CDK14: variants seen among roughly 807,000 people sequenced by gnomAD.
CDK14 encodes cyclin-dependent kinase 14.
Under a neutral mutation model 60.7 loss-of-function variants are expected in CDK14, and 34 were observed. That is an observed-to-expected ratio of 0.56 (90% CI 0.43 to 0.75). CDK14 has a LOEUF of 0.75. CDK14 is among the 30% of genes least tolerant of loss of function. CDK14 has a pLI of 0.00. For missense variants in CDK14, 482 were observed against 564.1 expected (o/e 0.85, Z 1.47); for synonymous variants, 197 against 203.7 (o/e 0.97, Z 0.28).
intron 2 of CDK14, among the ~76,000 whole-genome samples, chr7:90,669,379 T>A (rs935752942): frequency 2.0e-5 from 3 of 152,190 alleles, no homozygotes; most frequent in Non-Finnish European, 4.4e-5. Context: ...CAGACTGACC[T>A]TGCTCAAGGA....
chr7:91,150,196 T>G (rs373556078), intron 14 of CDK14, among the ~76,000 whole-genome samples: 5 of 152,236 alleles, frequency 3.3e-5, no homozygotes, highest in African/African-American at 7.2e-5. Flanking sequence ...GGAAGGGACA[T>G]TCAATGGTGC....
chr7:90,797,164 T>C (rs1298101100), intron 5 of CDK14, among the ~76,000 whole-genome samples: 1 of 151,798 alleles, frequency 6.6e-6, no homozygotes, highest in Non-Finnish European at 1.5e-5. Context: ...CCTGGGTAGC[T>C]TAAACAACAG....
At chr7:90,743,198 C>T (rs911442176) in intron 3 of CDK14, among the ~76,000 whole-genome samples, 7 of 152,032 alleles carry the variant, frequency 4.6e-5, no homozygotes, top group Non-Finnish European at 8.8e-5. Context: ...GTATGGGATA[C>T]ATATAGATAG....
chr7:90,823,789 A>G (rs1301896764), intron 5 of CDK14, among the ~76,000 whole-genome samples: 1 of 152,214 alleles, frequency 6.6e-6, no homozygotes, highest in East Asian at 1.9e-4. Flanking sequence ...CTGCAGATTC[A>G]GGCTGTGATG....
intron 2 of CDK14, among the ~76,000 whole-genome samples, chr7:90,692,356 G>A (rs972974798): frequency 6.6e-6 from 1 of 152,078 alleles, no homozygotes; most frequent in African/African-American, 2.4e-5. Context: ...ATGGCTGTGT[G>A]TTTATTTCAA....
chr7:91,137,424 G>A (rs1800312921), intron 14 of CDK14, among the ~76,000 whole-genome samples: 1 of 152,058 alleles, frequency 6.6e-6, no homozygotes, highest in Admixed American at 6.6e-5. Context: ...ACAGTTATCT[G>A]CATTACTGTG....
intron 5 of CDK14, among the ~76,000 whole-genome samples, chr7:90,802,836 T>G (rs948901685): frequency 6.6e-5 from 10 of 152,174 alleles, no homozygotes; most frequent in African/African-American, 1.9e-4. Context: ...CAGAGAAATC[T>G]CCCAAAAGGA....
intron 10 of CDK14, among the ~76,000 whole-genome samples, chr7:90,987,748 CT>C (rs1795412323): frequency 1.3e-5 from 2 of 151,896 alleles, no homozygotes. Flanking sequence ...CCTCTGTGAC[CT>C]TTTATGTCTA....
At chr7:91,003,369 C>T (rs1795893056) in intron 10 of CDK14, among the ~76,000 whole-genome samples, 1 of 152,122 alleles carries the variant, frequency 6.6e-6, no homozygotes, top group Admixed American at 6.5e-5. Flanking sequence ...TGCCCCCACC[C>T]CTTGACAACA....
At chr7:91,054,195 T>C (rs1399034273) in intron 11 of CDK14, among the ~76,000 whole-genome samples, 1 of 152,004 alleles carries the variant, frequency 6.6e-6, no homozygotes, top group Non-Finnish European at 1.5e-5. Flanking sequence ...TAAATTATTT[T>C]TATGATTGAT....
chr7:90,952,521 G>A (rs1794293816), intron 8 of CDK14, among the ~76,000 whole-genome samples: 1 of 152,098 alleles, frequency 6.6e-6, no homozygotes. Context: ...AGTTAGAAAT[G>A]TCAACACTGT....
intron 5 of CDK14, among the ~76,000 whole-genome samples, chr7:90,815,227 A>G (rs1439551814): frequency 2.0e-5 from 3 of 152,222 alleles, no homozygotes; most frequent in Non-Finnish European, 4.4e-5. Flanking sequence ...TCCTATTGCC[A>G]TCAAAATGGA....
At chr7:90,834,444 T>C (rs746672921) in intron 5 of CDK14, among the ~76,000 whole-genome samples, 23 of 152,120 alleles carry the variant, frequency 1.5e-4, no homozygotes, top group Admixed American at 2.6e-4. Context: ...TCAGATAAAG[T>C]AGGGCCTTGT....
At chr7:91,109,968 A>T (rs1010706574) in intron 12 of CDK14, among the ~76,000 whole-genome samples, 15 of 152,072 alleles carry the variant, frequency 9.9e-5, no homozygotes, top group African/African-American at 3.4e-4. Flanking sequence ...ACAAAAATTG[A>T]TGGAATTCCA....
At chr7:90,849,163 G>A (rs1425948192) in intron 5 of CDK14, among the ~76,000 whole-genome samples, 1 of 152,064 alleles carries the variant, frequency 6.6e-6, no homozygotes, top group Non-Finnish European at 1.5e-5. Flanking sequence ...CTCTTACGGG[G>A]CAGTGAGTTC....
chr7:90,777,667 C>G (rs981750787), intron 4 of CDK14, among the ~76,000 whole-genome samples: 2 of 152,178 alleles, frequency 1.3e-5, no homozygotes, highest in African/African-American at 4.8e-5. Flanking sequence ...CCATCCCTCT[C>G]CATGCTTTGC....
chr7:90,640,703 T>G (rs1376509564), intron 2 of CDK14, among the ~76,000 whole-genome samples: 2 of 152,112 alleles, frequency 1.3e-5, no homozygotes, highest in Non-Finnish European at 2.9e-5. Context: ...ATCTGTGAGA[T>G]CATCAGAGTG....
At chr7:91,179,428 G>C (rs969368197) in intron 14 of CDK14, among the ~76,000 whole-genome samples, 1 of 150,874 alleles carries the variant, frequency 6.6e-6, no homozygotes, top group Non-Finnish European at 1.5e-5. Context: ...TGGGTGCAGC[G>C]CACCAGCATG....
At chr7:90,957,267 C>T (rs1351226107) in intron 9 of CDK14, among the ~76,000 whole-genome samples, 1 of 152,108 alleles carries the variant, frequency 6.6e-6, no homozygotes, top group Non-Finnish European at 1.5e-5. Context: ...CACATCCTCT[C>T]CAGCACCTGT....
Sources: allele counts gnomAD v4.1 joint callset (sites outside exome capture counted in the v4.1 genomes callset), GRCh38; gene constraint gnomAD v4.1.1; transcripts MANE v1.5; gene names NCBI Gene and HGNC (gene_info 2026-07-23, HGNC 2026-07-21).